The following KCNIP4 variants were observed in gnomAD, a reference collection of about 807,000 sequenced individuals.
KCNIP4 encodes potassium voltage-gated channel interacting protein 4.
KCNIP4 carries 12 observed loss-of-function variants against 34.0 expected under a neutral mutation model. That is an observed-to-expected ratio of 0.35 (90% CI 0.23 to 0.57). The LOEUF (loss-of-function observed/expected upper bound fraction) is 0.57, where lower values mean the gene tolerates loss of function less well. KCNIP4 is among the 20% of genes least tolerant of loss of function. The pLI is 0.83. For synonymous variants in KCNIP4, 124 were observed against 102.2 expected (o/e 1.21, Z -1.29); for missense variants, 238 against 311.7 (o/e 0.76, Z 1.78).
intron 1 of KCNIP4, among the ~76,000 whole-genome samples, chr4:21,381,965 A>T (rs1371777183): frequency 6.6e-6 from 1 of 152,200 alleles, no homozygotes; most frequent in Non-Finnish European, 1.5e-5. Context: ...GAAAGTATCA[A>T]CAGGCTGCAA....
chr4:21,252,214 G>T (rs1263116429), intron 1 of KCNIP4, among the ~76,000 whole-genome samples: 1 of 146,978 alleles, frequency 6.8e-6, no homozygotes, highest in African/African-American at 2.5e-5. Context: ...TGCAATCTCC[G>T]CCTCCCGAGT....
chr4:21,823,054 A>C (rs1722459341), intron 1 of KCNIP4, among the ~76,000 whole-genome samples: 1 of 152,130 alleles, frequency 6.6e-6, no homozygotes, highest in Admixed American at 6.6e-5. Context: ...AGCTAAACTT[A>C]AATATAATTT....
intron 1 of KCNIP4, among the ~76,000 whole-genome samples, chr4:21,548,923 A>G: frequency 6.6e-6 from 1 of 151,932 alleles, no homozygotes; most frequent in East Asian, 1.9e-4. Context: ...CACTACTGAT[A>G]TTTGGGACTG....
intron 1 of KCNIP4, among the ~76,000 whole-genome samples, chr4:21,801,742 G>A (rs1721012327): frequency 6.6e-6 from 1 of 151,934 alleles, no homozygotes; most frequent in Non-Finnish European, 1.5e-5. Context: ...CCAAGTAGCT[G>A]GGACTACCAG....
At chr4:21,093,538 C>A (rs1747180536) in intron 1 of KCNIP4, among the ~76,000 whole-genome samples, 1 of 142,312 alleles carries the variant, frequency 7.0e-6, no homozygotes, top group African/African-American at 2.9e-5. Context: ...AGTTTGTAAT[C>A]CCAGGGAAAG....
intron 1 of KCNIP4, among the ~76,000 whole-genome samples, chr4:21,078,532 ACTCTACC>A (rs1350622716): frequency 1.3e-5 from 2 of 151,432 alleles, no homozygotes; most frequent in Non-Finnish European, 2.9e-5. Context: ...ATTCATGAGG[ACTCTACC>A]CTCATGATCT....
chr4:21,144,454 C>T lies in KCNIP4; in HGVS notation c.62-261745G>A, dbSNP rs112409389. Among the ~76,000 whole-genome samples, 2 of 152,284 alleles carry T rather than the reference C, an allele frequency of 1.3e-5. 1 individual carries two copies. Among genetic ancestry groups the T allele is most frequent in the African/African-American group, 4.8e-5 (2 of 41,564 alleles). On this transcript the variant is annotated intron_variant, in intron 1 of 8. Coordinates refer to ENST00000382152, the MANE Select transcript of KCNIP4 (RefSeq NM_025221.6). ...GTCAAAAAAAGAGCTAAATATTGTA[C>T]ATAAGCTCATCTATTCCTCATGCTA...
At chr4:20,944,781 G>A (rs533390316) in intron 1 of KCNIP4, among the ~76,000 whole-genome samples, 1 of 152,322 alleles carries the variant, frequency 6.6e-6, no homozygotes, top group African/African-American at 2.4e-5. Flanking sequence ...GAGCCAGGAA[G>A]CTTTGGGGAC....
intron 1 of KCNIP4, among the ~76,000 whole-genome samples, chr4:21,348,933 G>A (rs917066586): frequency 3.3e-5 from 5 of 152,136 alleles, no homozygotes; most frequent in African/African-American, 1.2e-4. Context: ...TTTGGTTGAA[G>A]CTGGCCAGGT....
chr4:21,130,618 A>T (rs1750993428), intron 1 of KCNIP4, among the ~76,000 whole-genome samples: 1 of 152,198 alleles, frequency 6.6e-6, no homozygotes, highest in South Asian at 2.1e-4. Flanking sequence ...GCTATTTAAA[A>T]ATATGTTAAA....
At chr4:21,294,372 T>C (rs1315971236) in intron 1 of KCNIP4, among the ~76,000 whole-genome samples, 1 of 152,178 alleles carries the variant, frequency 6.6e-6, no homozygotes, top group Admixed American at 6.5e-5. Context: ...CCAGCCTCAC[T>C]ACAACTGTGT....
At chr4:20,871,029 T>C (rs1370564053) in intron 2 of KCNIP4, among the ~76,000 whole-genome samples, 3 of 152,168 alleles carry the variant, frequency 2.0e-5, no homozygotes, top group Admixed American at 6.6e-5. Flanking sequence ...TCATTTCCTC[T>C]GTGATATAAA....
At chr4:21,256,888 C>G (rs1000511676) in intron 1 of KCNIP4, among the ~76,000 whole-genome samples, 1 of 152,096 alleles carries the variant, frequency 6.6e-6, no homozygotes, top group African/African-American at 2.4e-5. Context: ...GTGTGAAATG[C>G]TCAAATTTTG....
chr4:21,816,526 C>T (rs1721998969), intron 1 of KCNIP4, among the ~76,000 whole-genome samples: 1 of 152,242 alleles, frequency 6.6e-6, no homozygotes, highest in South Asian at 2.1e-4. Flanking sequence ...TTCAGACATC[C>T]TTACAGTCAG....
At chr4:21,511,968 TAA>T (rs35197957) in intron 1 of KCNIP4, among the ~76,000 whole-genome samples, 8,052 of 144,470 alleles carry the variant, frequency 0.056, 689 homozygotes, top group African/African-American at 0.19. Context: ...TTTAATAGAG[TAA>T]AAGAGAAAGA....
chr4:21,723,267 T>C (rs989290784), intron 1 of KCNIP4, among the ~76,000 whole-genome samples: 2 of 152,140 alleles, frequency 1.3e-5, no homozygotes, highest in East Asian at 1.9e-4. Flanking sequence ...TTTCCCAAAT[T>C]TGAAGACCCT....
intron 3 of KCNIP4, among the ~76,000 whole-genome samples, chr4:20,787,230 G>A (rs938788395): frequency 2.6e-5 from 4 of 152,116 alleles, no homozygotes; most frequent in South Asian, 2.1e-4. Context: ...ATGTTTCATA[G>A]TAATAAGGGC....
At chr4:21,755,359 A>T (rs888561954) in intron 1 of KCNIP4, among the ~76,000 whole-genome samples, 2 of 152,222 alleles carry the variant, frequency 1.3e-5, no homozygotes, top group African/African-American at 4.8e-5. Flanking sequence ...TGACTCATTT[A>T]GTTACTTACT....
rs148610271 is a variant in KCNIP4 at position 20,746,876 on chromosome 4, A to G, written c.429+2786T>C. Among the ~76,000 whole-genome samples, 239 of 152,262 alleles carry G rather than the reference A, an allele frequency of 1.6e-3. 1 individual carries two copies. Among genetic ancestry groups the G allele is most frequent in the African/African-American group, 5.5e-3 (227 of 41,568 alleles). ...TATCGTAGAATCAGATGGTCTCTCT[A>G]CTGTACCTCTCAGTATGCTATTGCT... On this transcript the variant is annotated intron_variant, in intron 5 of 8. Coordinates refer to ENST00000382152, the MANE Select transcript of KCNIP4 (RefSeq NM_025221.6).
Sources: allele counts gnomAD v4.1 joint callset (sites outside exome capture counted in the v4.1 genomes callset), GRCh38; gene constraint gnomAD v4.1.1; transcripts MANE v1.5; gene names NCBI Gene and HGNC (gene_info 2026-07-23, HGNC 2026-07-21).